MYO3B: variants seen among roughly 807,000 people sequenced by gnomAD.
MYO3B encodes the protein myosin-IIIb.
A neutral mutation model predicts 174.6 loss-of-function variants in MYO3B; 156 were observed. That is an observed-to-expected ratio of 0.89 (90% CI 0.78 to 1.02). The LOEUF is 1.02. Ranked by LOEUF, MYO3B falls within the 50% of genes least tolerant of loss-of-function variation. The probability of loss-of-function intolerance (pLI) is 0.00; values close to 1 mark genes in which losing one functional copy is unlikely to be tolerated. For synonymous variants in MYO3B, 563 were observed against 569.1 expected (o/e 0.99, Z 0.15); for missense variants, 1,632 against 1,639.4 (o/e 1.00, Z 0.08).
intron 7 of MYO3B, among the ~76,000 whole-genome samples, chr2:170,278,989 T>C (rs1026864348): frequency 1.3e-5 from 2 of 152,180 alleles, no homozygotes; most frequent in Middle Eastern, 3.2e-3. Flanking sequence ...AATATTCCAT[T>C]GTGTAATTCC....
rs2092354999 is a variant in MYO3B, at chr2:170,178,181, A to T, written c.-107A>T. 2.2e-6 allele frequency: 3 copies of T among 1,363,060 alleles called. No homozygotes were observed. Among genetic ancestry groups the T allele is most frequent in the Non-Finnish European group, 3.2e-6 (3 of 951,232 alleles). 84.4% of individuals were successfully genotyped at this position (1,363,060 alleles called of 1,614,324 possible). A position where few individuals can be genotyped will look rare whatever the true frequency, so the allele number is the denominator to read the frequency against. On this transcript the variant is annotated 5_prime_UTR_variant, in exon 1 of 35. Transcript: ENST00000408978. ...GTCCTTTGGTAATGATGTGTCATAC[A>T]TTCTAGTCATCAAAGACACCATTTT...
chr2:170,563,966 T>C (rs914110221), intron 32 of MYO3B, among the ~76,000 whole-genome samples: 12 of 152,154 alleles, frequency 7.9e-5, no homozygotes, highest in Non-Finnish European at 1.3e-4. Context: ...AAGGAAGCAG[T>C]GAAGAATGGA....
intron 7 of MYO3B, among the ~76,000 whole-genome samples, chr2:170,271,975 A>C (rs1053725212): frequency 7.2e-5 from 11 of 152,008 alleles, no homozygotes; most frequent in African/African-American, 2.7e-4. Context: ...TATCTAGTAA[A>C]CTTGCAGATG....
At chr2:170,481,823 G>A (rs1685706543) in intron 25 of MYO3B, among the ~76,000 whole-genome samples, 1 of 152,146 alleles carries the variant, frequency 6.6e-6, no homozygotes, top group East Asian at 1.9e-4. Context: ...GCTTTTCTTT[G>A]TTTAGTTGAG....
intron 30 of MYO3B, chr2:170,524,722 C>T (rs1019938339): frequency 2.3e-5 from 7 of 310,532 alleles, no homozygotes; most frequent in African/African-American, 9.1e-5. Context: ...GACGTTCTAG[C>T]GATTCGTCCC....
chr2:170,524,499 T>G (rs1185682442), intron 30 of MYO3B: 2 of 449,980 alleles, frequency 4.4e-6, no homozygotes, highest in Non-Finnish European at 4.4e-6. Context: ...GTTTTTGTTT[T>G]TTGAGATGGA....
intron 8 of MYO3B, chr2:170,342,351 T>C (rs943072840): frequency 6.6e-6 from 1 of 152,188 alleles, no homozygotes; most frequent in Non-Finnish European, 1.5e-5. Context: ...ACTCTGTAAT[T>C]GAAATAATAG....
At chr2:170,423,191 C>T (rs990555877) in intron 22 of MYO3B, among the ~76,000 whole-genome samples, 2 of 151,800 alleles carry the variant, frequency 1.3e-5, no homozygotes, top group African/African-American at 2.4e-5. Flanking sequence ...CCATGTTGGC[C>T]AGTCTGGTCT....
At chr2:170,205,071 T>C (rs747326037) in intron 3 of MYO3B, among the ~76,000 whole-genome samples, 3 of 152,160 alleles carry the variant, frequency 2.0e-5, no homozygotes, top group Non-Finnish European at 4.4e-5. Flanking sequence ...AGTTTAATTA[T>C]ATGTTTCTGT....
At chr2:170,637,765 A>C (rs1697639493) in intron 32 of MYO3B, among the ~76,000 whole-genome samples, 1 of 152,230 alleles carries the variant, frequency 6.6e-6, no homozygotes, top group South Asian at 2.1e-4. Context: ...TACTTGTACA[A>C]ACGTCTTAAT....
intron 32 of MYO3B, among the ~76,000 whole-genome samples, chr2:170,631,013 G>T (rs994707965): frequency 1.3e-5 from 2 of 152,204 alleles, no homozygotes; most frequent in Non-Finnish European, 2.9e-5. Flanking sequence ...CCAAAGGAAC[G>T]CAGCTCCTTG....
chr2:170,292,545 T>C (rs997707697), intron 7 of MYO3B, among the ~76,000 whole-genome samples: 1 of 152,176 alleles, frequency 6.6e-6, no homozygotes, highest in East Asian at 1.9e-4. Context: ...CCAGCTTGTT[T>C]TGGTTTTTAT....
At chr2:170,546,070 T>C (rs1240485366) in intron 32 of MYO3B, among the ~76,000 whole-genome samples, 1 of 152,206 alleles carries the variant, frequency 6.6e-6, no homozygotes, top group East Asian at 1.9e-4. Flanking sequence ...CGAACATGCC[T>C]GGTGTGTTCT....
rs982366214 is a variant in MYO3B at position 170,545,397 on chromosome 2, T to C, written c.3733+1409T>C. 2.0e-5 allele frequency among the ~76,000 whole-genome samples: 3 copies of C among 152,364 alleles called. No individual in the cohort carries two copies. In the South Asian group the frequency reaches 6.2e-4, roughly 32 times the overall value. ...TAAGTAAAAGGCATAGCATAGTGTC[T>C]GGCTCATAGTAAGTGTTTAGTAAAT... is the stretch of plus-strand genomic sequence containing the variant. On this transcript the variant is annotated intron_variant, in intron 32 of 34. Coordinates refer to ENST00000408978, the MANE Select transcript of MYO3B (RefSeq NM_138995.5).
intron 7 of MYO3B, chr2:170,334,707 C>T (rs2093935157): frequency 6.6e-6 from 1 of 151,046 alleles, no homozygotes; most frequent in Non-Finnish European, 1.5e-5. Flanking sequence ...CCCCACCCCT[C>T]TTTTTTTTTG....
At chr2:170,368,244 A>G (rs2094212938) in intron 8 of MYO3B, among the ~76,000 whole-genome samples, 1 of 152,222 alleles carries the variant, frequency 6.6e-6, no homozygotes, top group Non-Finnish European at 1.5e-5. Context: ...AGAAAACTAA[A>G]GACGTTTATT....
intron 22 of MYO3B, among the ~76,000 whole-genome samples, chr2:170,430,040 A>AT (rs1452221659): frequency 6.6e-6 from 1 of 150,750 alleles, no homozygotes; most frequent in African/African-American, 2.4e-5. Flanking sequence ...ACAAATGCAG[A>AT]TAAAAAATAC....
chr2:170,404,522 A>G, intron 20 of MYO3B, 122 bp downstream of exon 20: 1 of 910,994 alleles, frequency 1.1e-6, no homozygotes, highest in South Asian at 2.2e-5. Context: ...TTGTAAGAAT[A>G]TAGGCCTTCT....
At chr2:170,541,598 A>G (rs547881095) in intron 30 of MYO3B, among the ~76,000 whole-genome samples, 6 of 152,302 alleles carry the variant, frequency 3.9e-5, no homozygotes, top group African/African-American at 1.2e-4. Flanking sequence ...TAGTATATAA[A>G]TGATAGTTAA....
Sources: allele counts gnomAD v4.1 joint callset (sites outside exome capture counted in the v4.1 genomes callset), GRCh38; gene constraint gnomAD v4.1.1; transcripts MANE v1.5; gene names NCBI Gene and HGNC (gene_info 2026-07-23, HGNC 2026-07-21).